Variants in VPS13C observed in about 807,000 individuals in gnomAD.
VPS13C encodes the protein intermembrane lipid transfer protein VPS13C.
VPS13C carries 358 observed loss-of-function variants against 456.8 expected under a neutral mutation model. The observed-to-expected ratio is 0.78, with a 90% CI of 0.72 to 0.86. The LOEUF (loss-of-function observed/expected upper bound fraction) is 0.86, where lower values mean the gene tolerates loss of function less well. Ranked by LOEUF, VPS13C falls within the 40% of genes least tolerant of loss-of-function variation. The probability of loss-of-function intolerance (pLI) is 0.00; values close to 1 mark genes in which losing one functional copy is unlikely to be tolerated. For missense variants in VPS13C, 4,818 were observed against 4,385.4 expected, an observed-to-expected ratio of 1.10 and a Z score of -2.79; for synonymous variants, 1,578 against 1,486.7, an observed-to-expected ratio of 1.06 and a Z score of -1.41.
At chr15:61,967,693 A>G (rs1322290279) in intron 28 of VPS13C, among the ~76,000 whole-genome samples, 1 of 151,294 alleles carries the variant, frequency 6.6e-6, no homozygotes, top group African/African-American at 2.4e-5. Context: ...GGTGACTTCT[A>G]AAATTCTGAC....
At chr15:61,971,408 C>CCCA (rs1166509129) in intron 27 of VPS13C, among the ~76,000 whole-genome samples, 1 of 152,080 alleles carries the variant, frequency 6.6e-6, no homozygotes, top group African/African-American at 2.4e-5. Context: ...ATTACAGGTG[C>CCCA]CCACCACCAC....
At chr15:61,923,896 C>A (rs2043749085) in intron 53 of VPS13C, among the ~76,000 whole-genome samples, 1 of 88,896 alleles carries the variant, frequency 1.1e-5, no homozygotes, top group Non-Finnish European at 2.2e-5. Flanking sequence ...GACGGAGTCT[C>A]GCTCTGTCGC....
At chr15:62,044,460 G>A (rs2048343122) in intron 1 of VPS13C, among the ~76,000 whole-genome samples, 1 of 152,138 alleles carries the variant, frequency 6.6e-6, no homozygotes, top group South Asian at 2.1e-4. Context: ...GGTTAATCCA[G>A]TGTAAAAGAA....
intron 9 of VPS13C, among the ~76,000 whole-genome samples, chr15:62,018,560 T>C (rs2047342058): frequency 1.3e-5 from 2 of 151,858 alleles, no homozygotes; most frequent in South Asian, 4.2e-4. Context: ...GGTTTTTGTC[T>C]TTGGTTCTGT....
At chr15:61,894,364 G>C (rs1040643065) in intron 66 of VPS13C, among the ~76,000 whole-genome samples, 2 of 150,972 alleles carry the variant, frequency 1.3e-5, no homozygotes, top group African/African-American at 4.9e-5. Context: ...AATGGCAGTA[G>C]TAAGTCCTTA....
Position 61,941,871 on chromosome 15 carries a change from C to G in VPS13C, c.5345G>C (p.Gly1782Ala), listed in dbSNP as rs1487821048. 1 of 1,613,966 alleles carries G rather than the reference C, an allele frequency of 6.2e-7. No homozygotes were observed. Among genetic ancestry groups the G allele is most frequent in the Admixed American group, 1.7e-5 (1 of 60,012 alleles). ...AAACTTGTTTTCAACTCTGATTAAA[C>G]CCAGATCTGCTATAACAGCATTAGG... is the stretch of plus-strand genomic sequence containing the variant. ...VSPNAVIADLGLIRVENKFSL... is the reference protein window; with the variant it reads ...VSPNAVIADLALIRVENKFSL... The change falls in exon 46 of 85, where the codon GGT becomes GCT. Residue 1782 changes from glycine to alanine, a missense_variant. Gly to Ala is a moderately conservative substitution (Grantham distance 60, BLOSUM62 0). Coordinates refer to ENST00000644861, the MANE Select transcript of VPS13C (RefSeq NM_020821.3).
At position 61,875,706 on chromosome 15, in the gene VPS13C, C is replaced by T. The variant is rs1275839151; in HGVS notation, c.10338+26G>A. 1.9e-6 allele frequency: 3 copies of T among 1,548,604 alleles called. No individual in the cohort carries two copies. In the Admixed American group the frequency reaches 5.2e-5, roughly 27 times the overall value. ...AGACCATCCATTTTTCTGTACCTAT[C>T]CTTAGAACAAATAAGAGGTCAATAC... is the stretch of plus-strand genomic sequence containing the variant. On this transcript the variant is annotated intron_variant, in intron 76 of 84. Coordinates refer to ENST00000644861, the MANE Select transcript of VPS13C (RefSeq NM_020821.3).
Position 61,941,818 on chromosome 15 carries a change from G to A in VPS13C, c.5398C>T (p.Leu1800Phe). 3 of 1,613,638 alleles carry A rather than the reference G, an allele frequency of 1.9e-6. No individual in the cohort carries two copies. Among genetic ancestry groups the A allele is most frequent in the Admixed American group, 1.7e-5 (1 of 60,010 alleles). ...TTCATTTTATCAATGACTGGAGGAA[G>A]AGAATAATGTTCCATAGGAACCAAG... ...FSLVPMEHYS[L>F]PPVIDKMNIE... is the part of the protein sequence containing the mutation. The change falls in exon 46 of 85, where the codon CTT becomes TTT. Residue 1800 changes from leucine (L) to phenylalanine (F), a missense_variant. Coordinates refer to ENST00000644861, the MANE Select transcript of VPS13C (RefSeq NM_020821.3).
Position 61,922,651 on chromosome 15 carries a change from T to A in VPS13C, c.6721A>T (p.Ile2241Phe), listed in dbSNP as rs2043698602. ...TSKEMENLWG[I>F]KSINDYNTWF... ...GTGTTATAATCATTAATCGATTTGA[T>A]ACCCCAAAGATTTTCCATTTCCTTA... The change falls in exon 54 of 85, where the codon ATC (isoleucine) becomes TTC (phenylalanine). Residue 2241 changes from isoleucine (I) to phenylalanine (F), a missense_variant. Physicochemically the swap from Ile to Phe is conservative, Grantham distance 21. Around this residue, in one of 3 missense-constraint regions of VPS13C, gnomAD observed 4,552 missense variants for 4,130.6 expected, o/e 1.10. Coordinates refer to ENST00000644861, the MANE Select transcript of VPS13C (RefSeq NM_020821.3). 2 of 1,613,956 alleles carry A rather than the reference T, an allele frequency of 1.2e-6. No individual in the cohort carries two copies. The highest frequency in any genetic ancestry group is 2.7e-5 in the African/African-American group (2 of 74,924).
chr15:61,881,472 T>G (rs1464402086), intron 71 of VPS13C, 91 bp downstream of exon 71: 2 of 1,321,434 alleles, frequency 1.5e-6, no homozygotes, highest in South Asian at 1.6e-5. Context: ...ACTTTTTACA[T>G]GAAAGTCACT....
intron 8 of VPS13C, among the ~76,000 whole-genome samples, chr15:62,021,562 T>C (rs2047462802): frequency 6.6e-6 from 1 of 151,890 alleles, no homozygotes; most frequent in Non-Finnish European, 1.5e-5. Flanking sequence ...ATAGAATTGT[T>C]TGGTCATGGC....
At chr15:61,886,404 A>G (rs1191824493) in intron 67 of VPS13C, among the ~76,000 whole-genome samples, 4 of 152,130 alleles carry the variant, frequency 2.6e-5, no homozygotes, top group Admixed American at 2.0e-4. Context: ...TTTTTTAATA[A>G]GAAGATCATA....
chr15:62,020,215 CAT>C (rs964494920), intron 9 of VPS13C, among the ~76,000 whole-genome samples: 88 of 151,934 alleles, frequency 5.8e-4, no homozygotes, highest in African/African-American at 1.7e-3. Context: ...ACTTCCCCCA[CAT>C]GTTTAAGATA....
At chr15:61,947,874 CA>C (rs1039783005) in intron 42 of VPS13C, among the ~76,000 whole-genome samples, 5 of 151,068 alleles carry the variant, frequency 3.3e-5, no homozygotes, top group Non-Finnish European at 7.4e-5. Context: ...TAAAAAATAC[CA>C]AAAAAAAATT....
intron 51 of VPS13C, 95 bp downstream of exon 51, chr15:61,929,406 T>C: frequency 6.8e-7 from 1 of 1,466,076 alleles, no homozygotes; most frequent in Non-Finnish European, 9.1e-7. Flanking sequence ...AAAGACTAAT[T>C]TTACGTTCTT....
intron 81 of VPS13C, chr15:61,866,419 G>A: frequency 1.0e-6 from 1 of 983,848 alleles, no homozygotes; most frequent in Non-Finnish European, 1.2e-6. Flanking sequence ...TAATAACAGA[G>A]CTAAACAAAA....
chr15:62,018,143 T>C (rs1035288759), intron 9 of VPS13C, among the ~76,000 whole-genome samples: 22 of 152,338 alleles, frequency 1.4e-4, no homozygotes, highest in Non-Finnish European at 3.1e-4. Context: ...TTTTGTATCC[T>C]GAGACTTTGC....
At chr15:61,985,207 C>T (rs983294396) in intron 18 of VPS13C, among the ~76,000 whole-genome samples, 3 of 152,066 alleles carry the variant, frequency 2.0e-5, no homozygotes, top group Non-Finnish European at 4.4e-5. Flanking sequence ...CAAAATTGTC[C>T]ACTCAAATAG....
At chr15:61,944,150 G>C (rs1046214755) in intron 45 of VPS13C, among the ~76,000 whole-genome samples, 2 of 152,072 alleles carry the variant, frequency 1.3e-5, no homozygotes, top group Admixed American at 1.3e-4. Context: ...CAGATGCTAG[G>C]GAGACTGCAG....
Sources: gnomAD v4.1 joint callset for allele counts (sites outside exome capture counted in the v4.1 genomes callset) on GRCh38, gnomAD v4.1.1 for gene constraint, gnomAD v4.1.1 regional missense constraint, MANE v1.5 for transcripts, NCBI Gene and HGNC (gene_info 2026-07-23, HGNC 2026-07-21) for gene names.